Variants in PLEKHO1 observed in about 807,000 individuals in gnomAD.
PLEKHO1 encodes the protein pleckstrin homology domain-containing family O member 1.
Under a neutral mutation model 41.4 loss-of-function variants are expected in PLEKHO1, and 22 were observed. The ratio of observed to expected loss-of-function variants is 0.53; its 90% CI spans 0.38 to 0.76. The LOEUF is 0.76. Ranked by LOEUF, PLEKHO1 falls within the 30% of genes least tolerant of loss-of-function variation. PLEKHO1 has a pLI of 0.00. For synonymous variants in PLEKHO1, 225 were observed against 210.8 expected, an observed-to-expected ratio of 1.07 and a Z score of -0.58; for missense variants, 488 against 518.3, an observed-to-expected ratio of 0.94 and a Z score of 0.57.
At chr1:150,151,179 C>A in intron 2 of PLEKHO1, 121 bp downstream of exon 2, 1 of 1,024,080 alleles carries the variant, frequency 9.8e-7, no homozygotes, top group Non-Finnish European at 1.5e-6. Context: ...GTGGTCTCCT[C>A]TCTACCCCCA....
At chr1:150,154,273 C>G (rs142822924) in intron 2 of PLEKHO1, 1 of 152,318 alleles carries the variant, frequency 6.6e-6, no homozygotes, top group Non-Finnish European at 1.5e-5. Flanking sequence ...ATCCCTGTCC[C>G]GTGTTTCTGG....
At chr1:150,154,934 C>G (rs1416594343) in intron 2 of PLEKHO1, 1 of 152,196 alleles carries the variant, frequency 6.6e-6, no homozygotes, top group African/African-American at 2.4e-5. Flanking sequence ...CCATAAGCCA[C>G]TGCTTCAGAG....
chr1:150,155,450 CTG>C (rs1282964868), intron 2 of PLEKHO1: 1 of 152,338 alleles, frequency 6.6e-6, no homozygotes, highest in Non-Finnish European at 1.5e-5. Flanking sequence ...ATTCAGCAAA[CTG>C]AACACGGGGC....
At chr1:150,158,785 C>T (rs781788630) in intron 5 of PLEKHO1, 34 bp from the exon 6 acceptor site, 4 of 1,334,912 alleles carry the variant, frequency 3.0e-6, no homozygotes, top group Non-Finnish European at 4.2e-6. Context: ...CTCCTGATGA[C>T]AGGTTCCCCA....
chr1:150,156,901 C>G lies in PLEKHO1; in HGVS notation c.319-10C>G. 1.3e-6 allele frequency: 2 copies of G among 1,568,028 alleles called. No homozygotes were observed. Among genetic ancestry groups the G allele is most frequent in the Non-Finnish European group, 1.8e-6 (2 of 1,138,118 alleles). ...AAACCCTGGCTGAAACAGGAATCTT[C>G]CCCTCACAGGCACCCAACCTGATCT... is the stretch of plus-strand genomic sequence containing the variant. On this transcript the variant is annotated splice_polypyrimidine_tract_variant and intron_variant, in intron 3 of 5. Coordinates refer to ENST00000369124, the MANE Select transcript of PLEKHO1 (RefSeq NM_016274.6).
At chr1:150,157,605 C>T (rs1271412438) in intron 5 of PLEKHO1, 119 bp downstream of exon 5, 6 of 658,390 alleles carry the variant, frequency 9.1e-6, no homozygotes, top group East Asian at 2.7e-5. Flanking sequence ...AGATCAAAGG[C>T]GAGGGAAGTC....
rs781893134 is a variant in PLEKHO1, at chr1:150,157,340, G to A, written c.424-45G>A. 7 of 1,415,120 alleles carry A rather than the reference G, an allele frequency of 4.9e-6. No individual in the cohort carries two copies. The African/African-American group carries it at 8.4e-5, about 17-fold the overall frequency. The allele number at this position is 1,415,120 out of a possible 1,614,324, so 87.7% of individuals were successfully genotyped here. A position where few individuals can be genotyped will look rare whatever the true frequency, so the allele number is the denominator to read the frequency against. On this transcript the variant is annotated intron_variant, in intron 4 of 5. Coordinates refer to ENST00000369124, the MANE Select transcript of PLEKHO1 (RefSeq NM_016274.6). ...GGCCTCGGGATGCTGGGTTGGGACA[G>A]CGAGTCGCTGAAGAGCACTCATGAT...
rs1553818336 is a variant in PLEKHO1 at position 150,150,282 on chromosome 1, A to G, written c.25A>G (p.Lys9Glu). 8.9e-7 allele frequency: 1 copy of G among 1,119,982 alleles called. No homozygotes were observed. The highest frequency in any genetic ancestry group is 1.1e-6 in the Non-Finnish European group (1 of 906,662). The allele number at this position is 1,119,982 out of a possible 1,614,324, so 69.4% of individuals were successfully genotyped here. A position where few individuals can be genotyped will look rare whatever the true frequency, so the allele number is the denominator to read the frequency against. The change falls in exon 1 of 6, where the codon AAG (lysine) becomes GAG (glutamate). Residue 9 changes from lysine (K) to glutamate (E), a missense_variant. Transcript: ENST00000369124. ...AATGATGAAGAAGAACAATTCCGCCAAGCGGGTGAGTGCGCTTGCCCGCCC... is the reference window on the plus strand; with the variant it reads ...AATGATGAAGAAGAACAATTCCGCCGAGCGGGTGAGTGCGCTTGCCCGCCC... Reference protein sequence around the residue: MMKKNNSAKRGPQDGNQQP... With the variant: MMKKNNSAERGPQDGNQQP...
intron 2 of PLEKHO1, among the ~76,000 whole-genome samples, chr1:150,153,228 C>T (rs1315976790): frequency 1.3e-5 from 2 of 152,196 alleles, no homozygotes; most frequent in Non-Finnish European, 1.5e-5. Flanking sequence ...CACTCTGTCG[C>T]CCACGCTGGA....
At chr1:150,156,265 G>A in intron 3 of PLEKHO1, 59 bp downstream of exon 3, 4 of 1,426,774 alleles carry the variant, frequency 2.8e-6, no homozygotes, top group South Asian at 2.4e-5. Flanking sequence ...GGGGGCAGGG[G>A]AGAACTCCTT....
Position 150,157,379 on chromosome 1 carries a change from CT to C in PLEKHO1, c.424-4del. 2 of 1,608,770 alleles carry C rather than the reference CT, an allele frequency of 1.2e-6. No homozygotes were observed. Among genetic ancestry groups the C allele is most frequent in the Non-Finnish European group, 1.7e-6 (2 of 1,175,282 alleles). ...AGCACTCATGATTCACAGTACATCTCTTCAGGTCACCGTTGAGGAGGACAGC... is the reference window on the plus strand; with the variant it reads ...AGCACTCATGATTCACAGTACATCTCTCAGGTCACCGTTGAGGAGGACAGC... On this transcript the variant is annotated splice_region_variant and splice_polypyrimidine_tract_variant and intron_variant, in intron 4 of 5. Transcript: ENST00000369124.
intron 1 of PLEKHO1, 120 bp from the exon 2 acceptor site, chr1:150,150,792 G>A: frequency 2.3e-6 from 2 of 884,892 alleles, no homozygotes; most frequent in Non-Finnish European, 3.5e-6. Flanking sequence ...GCGGCCCCCC[G>A]CCCCCCGGCC....
At chr1:150,156,293 C>CA in intron 3 of PLEKHO1, 87 bp downstream of exon 3, 1 of 1,160,914 alleles carries the variant, frequency 8.6e-7, no homozygotes, top group Non-Finnish European at 1.2e-6. Context: ...GTTTCTCTCT[C>CA]AGCAATCTTG....
intron 5 of PLEKHO1, 117 bp downstream of exon 5, chr1:150,157,603 G>A: frequency 1.5e-6 from 1 of 669,670 alleles, no homozygotes. Context: ...CAAGATCAAA[G>A]GCGAGGGAAG....
chr1:150,150,784 G>T lies in PLEKHO1; in HGVS notation c.31-128G>T, dbSNP rs1659874226. On this transcript the variant is annotated intron_variant, in intron 1 of 5. Transcript: ENST00000369124. ...TCCGAAGTGGGAGCGAACCTGGGGCGGCCCCCCGCCCCCCGGCCGCAGCCT... is the reference window on the plus strand; with the variant it reads ...TCCGAAGTGGGAGCGAACCTGGGGCTGCCCCCCGCCCCCCGGCCGCAGCCT... 7 of 772,136 alleles carry T rather than the reference G, an allele frequency of 9.1e-6. No individual in the cohort carries two copies. In the East Asian group the frequency reaches 1.6e-4, roughly 18 times the overall value. 47.8% of individuals were successfully genotyped at this position (772,136 alleles called of 1,614,324 possible). A position where few individuals can be genotyped will look rare whatever the true frequency, so the allele number is the denominator to read the frequency against.
At chr1:150,157,065 C>T (rs782340875) in intron 4 of PLEKHO1, 50 bp downstream of exon 4, 1 of 1,160,856 alleles carries the variant, frequency 8.6e-7, no homozygotes, top group African/African-American at 1.5e-5. Context: ...GCAGAGGGAA[C>T]AGCTGTGACC....
At chr1:150,155,979 C>T in intron 2 of PLEKHO1, 87 bp from the exon 3 acceptor site, 1 of 1,309,422 alleles carries the variant, frequency 7.6e-7, no homozygotes, top group Non-Finnish European at 1.1e-6. Context: ...CAGGCTTCCT[C>T]TGTTTCCCAA....
chr1:150,150,876 T>C (rs1337343819), intron 1 of PLEKHO1, 36 bp from the exon 2 acceptor site: 3 of 1,605,328 alleles, frequency 1.9e-6, no homozygotes, highest in Non-Finnish European at 2.6e-6. Context: ...GGCTGGAATC[T>C]CCTAACCGCC....
In PLEKHO1 at chr1:150,159,294, G is replaced by T; in HGVS notation, c.1001G>T (p.Arg334Leu). 1 of 1,614,140 alleles carries T rather than the reference G, an allele frequency of 6.2e-7. No individual in the cohort carries two copies. Among genetic ancestry groups the T allele is most frequent in the Non-Finnish European group, 8.5e-7 (1 of 1,180,006 alleles). ...AEVQGLGDGK[R>L]KAKDPPRSPP... ...GTTCAGGGACTGGGAGATGGGAAGC[G>T]AAAGGCCAAGGACCCCCCTCGGTCT... Residue 334 changes from arginine (R) to leucine (L), a missense_variant, in exon 6 of 6, where the codon CGA becomes CTA. Around this residue, in one of 3 missense-constraint regions of PLEKHO1, gnomAD observed 337 missense variants for 324.6 expected, o/e 1.04. Transcript: ENST00000369124.
Sources: gnomAD v4.1 joint callset for allele counts (sites outside exome capture counted in the v4.1 genomes callset) on GRCh38, gnomAD v4.1.1 for gene constraint, gnomAD v4.1.1 regional missense constraint, MANE v1.5 for transcripts, NCBI Gene and HGNC (gene_info 2026-07-23, HGNC 2026-07-21) for gene names.